Variants in HOOK2 observed in about 807,000 individuals in gnomAD.
HOOK2 encodes the protein protein Hook homolog 2.
HOOK2 carries 108 observed loss-of-function variants against 111.9 expected under a neutral mutation model. The observed-to-expected ratio is 0.96, with a 90% confidence interval of 0.83 to 1.13. The LOEUF is 1.13. Ranked by LOEUF, HOOK2 falls within the 50% of genes most tolerant of loss-of-function variation. HOOK2 has a pLI of 0.00. For missense variants in HOOK2, 978 were observed against 951.3 expected, an observed-to-expected ratio of 1.03 and a Z score of -0.37; for synonymous variants, 405 against 394.3, an observed-to-expected ratio of 1.03 and a Z score of -0.32.
upstream of HOOK2, among the ~76,000 whole-genome samples, chr19:12,780,888 G>T (rs1297035214): frequency 2.1e-5 from 3 of 146,242 alleles, no homozygotes; most frequent in African/African-American, 7.5e-5. Context: ...TGAGGCAGGA[G>T]AATGGCGTGA....
intron 11 of HOOK2, 76 bp downstream of exon 11, chr19:12,769,805 G>A: frequency 8.3e-7 from 1 of 1,205,074 alleles, no homozygotes; most frequent in African/African-American, 1.6e-5. Context: ...GATCAGGGGT[G>A]GGCGGAGGGC....
At position 12,772,606 on chromosome 19, in the gene HOOK2, C is replaced by T. The variant is rs1031961722; in HGVS notation, c.456+7G>A. On this transcript the variant is annotated splice_region_variant and intron_variant, in intron 6 of 22. Transcript: ENST00000397668. ...TTTCCAATTGCACACTGAGTGCCCC[C>T]ACCCACCTCTTGGATGGCTTCCATC... The T allele has an allele frequency of 5.0e-6, 8 of 1,613,742 alleles. No individual in the cohort carries two copies. The African/African-American group carries it at 8.0e-5, about 16-fold the overall frequency.
At chr19:12,771,637 C>T (rs1365304167) in intron 7 of HOOK2, among the ~76,000 whole-genome samples, 160 bp from the exon 8 acceptor site, 1 of 152,122 alleles carries the variant, frequency 6.6e-6, no homozygotes, top group Non-Finnish European at 1.5e-5. Context: ...AATCCCAGCA[C>T]TTTGGGAGGC....
Position 12,763,766 on chromosome 19 carries a change from T to A in HOOK2, c.1840A>T (p.Met614Leu), listed in dbSNP as rs1180075268. 1.9e-6 allele frequency: 3 copies of A among 1,614,064 alleles called. No individual in the cohort carries two copies. Among genetic ancestry groups the A allele is most frequent in the Non-Finnish European group, 2.5e-6 (3 of 1,179,946 alleles). ...VDKARMVMQT[M>L]EPKQRPAAGA... ...GCAGCTGGCCGCTGCTTGGGTTCCA[T>A]GGTCTGCATGACCTACAGGTTGAGG... Residue 614 changes from methionine (M) to leucine (L), a missense_variant, in exon 21 of 23, where the codon ATG becomes TTG. Physicochemically the swap from Met to Leu is conservative, Grantham distance 15 (BLOSUM62 2). This residue lies in a region of HOOK2 where 277 missense variants were observed against 265.8 expected (regional missense o/e 1.04). Coordinates refer to ENST00000397668, the MANE Select transcript of HOOK2 (RefSeq NM_013312.3).
upstream of HOOK2, among the ~76,000 whole-genome samples, chr19:12,782,740 G>A (rs748875796): frequency 3.3e-5 from 5 of 152,174 alleles, no homozygotes; most frequent in African/African-American, 9.6e-5. Flanking sequence ...TTGGGGCGCC[G>A]GTGAAACCCG....
chr19:12,789,898 G>A (rs999216198), intron 3 of HOOK2, among the ~76,000 whole-genome samples: 1 of 152,098 alleles, frequency 6.6e-6, no homozygotes, highest in Non-Finnish European at 1.5e-5. Flanking sequence ...CGGGTTCCCC[G>A]CTTCTGGCTC....
At chr19:12,777,596 G>A (rs148312292), upstream of HOOK2, among the ~76,000 whole-genome samples, 1 of 152,374 alleles carries the variant, frequency 6.6e-6, no homozygotes, top group Non-Finnish European at 1.5e-5. Context: ...TGTCCTGGCT[G>A]ATGGATAGGC....
At chr19:12,767,683 G>C in intron 13 of HOOK2, 133 bp downstream of exon 13, 1 of 903,794 alleles carries the variant, frequency 1.1e-6, no homozygotes, top group Non-Finnish European at 1.7e-6. Flanking sequence ...CAATTTGACC[G>C]TGTCACCTCT....
Position 12,772,981 on chromosome 19 carries a change from TAC to T in HOOK2, c.255+11_255+12del, listed in dbSNP as rs1406130987. The T allele has an allele frequency of 1.2e-6, 2 of 1,614,064 alleles. No individual in the cohort carries two copies. Among genetic ancestry groups the T allele is most frequent in the African/African-American group, 1.3e-5 (1 of 74,926 alleles). ...CCCAACTCAACCCCCTGAATCCCTT[TAC>T]AGTTACTCACATCCTGGGAGTACTC... On this transcript the variant is annotated intron_variant, in intron 4 of 22. Coordinates refer to ENST00000397668, the MANE Select transcript of HOOK2 (RefSeq NM_013312.3).
rs1227130279 is a variant in HOOK2 at position 12,774,675 on chromosome 19, C to T, written c.198G>A (p.Lys66=). 1.2e-6 allele frequency: 2 copies of T among 1,614,152 alleles called. No homozygotes were observed. The highest frequency in any genetic ancestry group is 1.7e-6 in the Non-Finnish European group (2 of 1,179,986). ...GISEDPGPNW[K]LKVSNLKMVL... is the part of the protein sequence containing the mutation. ...TCAGGAGTCCACTTGTCACCTTCAG[C>T]TTCCAGTTGGGACCTGGATCTTCCG... The change falls in exon 3 of 23, where the codon AAG becomes AAA. Residue 66 remains lysine, a synonymous_variant. Coordinates refer to ENST00000397668, the MANE Select transcript of HOOK2 (RefSeq NM_013312.3).
intron 3 of HOOK2, among the ~76,000 whole-genome samples, chr19:12,773,491 C>CCCA (rs1968400017): frequency 6.6e-6 from 1 of 152,060 alleles, no homozygotes; most frequent in Non-Finnish European, 1.5e-5. Context: ...AAGCAATCCT[C>CCCA]CCACCTCAGC....
At chr19:12,765,659 C>G (rs1190718932) in intron 18 of HOOK2, 31 bp downstream of exon 18, 1 of 1,613,752 alleles carries the variant, frequency 6.2e-7, no homozygotes, top group East Asian at 2.2e-5. Flanking sequence ...ATCCATGCCC[C>G]CACGAGGAGT....
At chr19:12,775,873 CTTTT>C (rs775787302), upstream of HOOK2, among the ~76,000 whole-genome samples, 19 of 103,828 alleles carry the variant, frequency 1.8e-4, no homozygotes, top group African/African-American at 8.6e-4. Flanking sequence ...TAAGTAAATT[CTTTT>C]TTTTTTTTTT....
chr19:12,786,777 T>C lies in HOOK2; in HGVS notation n.42-12552A>G, dbSNP rs1158546832. Among the ~76,000 whole-genome samples the C allele has an allele frequency of 6.6e-6, 1 of 152,134 alleles. No homozygotes were observed. The highest frequency in any genetic ancestry group is 2.4e-5 in the African/African-American group (1 of 41,450). On this transcript the variant is annotated intron_variant and non_coding_transcript_variant, in intron 3 of 3. Transcript: ENST00000589765. This position sits in a 1 kb window ranked among gnomAD's most constrained non-coding sequence, Gnocchi z 4.3. ...TCTCCACCCCGTGCTCAAACACCCA[T>C]GCAGAGTGTTTGGAGGAACCCTACT... is the stretch of plus-strand genomic sequence containing the variant.
At position 12,791,679 on chromosome 19, in the gene HOOK2, G is replaced by A. The variant is rs1968717616; in HGVS notation, n.42-17454C>T. ...CCGAGAACGCGCGACCAGGCACCCA[G>A]TCCGGTCACCGCAGCGGAGAGCTCG... On this transcript the variant is annotated intron_variant and non_coding_transcript_variant, in intron 3 of 3. Coordinates refer to the HOOK2 transcript ENST00000589765. The surrounding 1 kb of genome is among the most constrained non-coding windows in gnomAD (Gnocchi z 7.0). 1.1e-6 allele frequency: 1 copy of A among 935,756 alleles called. No homozygotes were observed. The highest frequency in any genetic ancestry group is 1.5e-6 in the Non-Finnish European group (1 of 657,696). The allele number at this position is 935,756 out of a possible 1,614,324, so 58.0% of individuals were successfully genotyped here. A position where few individuals can be genotyped will look rare whatever the true frequency, so the allele number is the denominator to read the frequency against.
chr19:12,773,247 T>C (rs1053163103), intron 3 of HOOK2: 6 of 552,588 alleles, frequency 1.1e-5, no homozygotes, highest in South Asian at 6.5e-5. Flanking sequence ...TTTTTTTTTT[T>C]TTTTTTTGCT....
At chr19:12,775,749 C>T, upstream of HOOK2, 1 of 323,134 alleles carries the variant, frequency 3.1e-6, no homozygotes. Context: ...GAGGGTGGTC[C>T]CACCTCCCAT....
upstream of HOOK2, among the ~76,000 whole-genome samples, chr19:12,777,720 C>T (rs1968554857): frequency 6.6e-6 from 1 of 152,246 alleles, no homozygotes; most frequent in South Asian, 2.1e-4. Context: ...CTGAAGCTGC[C>T]GCGTCGCCCG....
intron 1 of HOOK2, 126 bp downstream of exon 1, chr19:12,775,278 CG>C: frequency 6.8e-7 from 1 of 1,478,400 alleles, no homozygotes; most frequent in Non-Finnish European, 9.0e-7. Context: ...CAGAGTCCAA[CG>C]GTCCAGCAAG....
Sources: allele counts gnomAD v4.1 joint callset (sites outside exome capture counted in the v4.1 genomes callset), GRCh38; gene constraint gnomAD v4.1.1; regional missense constraint gnomAD v4.1.1; non-coding constraint Gnocchi (gnomAD v3.1); transcripts MANE v1.5; gene names NCBI Gene and HGNC (gene_info 2026-07-23, HGNC 2026-07-21).